OCM2: variants seen among roughly 807,000 people sequenced by gnomAD.
The protein encoded by OCM2 is oncomodulin-2.
Under a neutral mutation model 13.6 loss-of-function variants are expected in OCM2, and 6 were observed. That is an observed-to-expected ratio of 0.44 (90% CI 0.24 to 0.87). The LOEUF (loss-of-function observed/expected upper bound fraction) is 0.87, where lower values mean the gene tolerates loss of function less well. Among genes scored for constraint, OCM2 ranks in the 40% least tolerant of loss-of-function variants. The probability of loss-of-function intolerance (pLI) is 0.22; values close to 1 mark genes in which losing one functional copy is unlikely to be tolerated. For missense variants in OCM2, 118 were observed against 136.8 expected (o/e 0.86, Z 0.68); for synonymous variants, 40 against 50.7 (o/e 0.79, Z 0.90).
intron 3 of OCM2, among the ~76,000 whole-genome samples, chr7:97,986,158 C>T (rs1169769673): frequency 2.0e-5 from 3 of 152,108 alleles, no homozygotes; most frequent in African/African-American, 7.2e-5. Flanking sequence ...GGGGATCTGC[C>T]CACCTTGGCC....
intron 1 of OCM2, among the ~76,000 whole-genome samples, chr7:97,989,828 T>C (rs1160298072): frequency 6.6e-6 from 1 of 151,574 alleles, no homozygotes; most frequent in Admixed American, 6.6e-5. Context: ...TGGCTAATTT[T>C]TTTGTATTTT....
At chr7:97,987,114 G>T (rs150640012) in exon 3 of OCM2, 3 of 1,613,648 alleles carry the variant, frequency 1.9e-6, no homozygotes, top group South Asian at 2.2e-5. Flanking sequence ...TTTCTGACTC[G>T]GTCAGTTCTC....
At chr7:97,987,290 G>A (rs1794682314) in intron 2 of OCM2, 134 bp from the exon 3 acceptor site, 1 of 970,608 alleles carries the variant, frequency 1.0e-6, no homozygotes, top group South Asian at 1.6e-5. Context: ...AGCAAGCAAA[G>A]GTTTCCTTAA....
chr7:97,986,297 G>T (rs1163078548), intron 3 of OCM2, among the ~76,000 whole-genome samples: 2 of 145,810 alleles, frequency 1.4e-5, no homozygotes, highest in Non-Finnish European at 3.0e-5. Context: ...CATGTAGTAA[G>T]CGATAGTGGT....
intron 1 of OCM2, 113 bp from the exon 2 acceptor site, chr7:97,988,661 C>G: frequency 2.1e-6 from 3 of 1,400,210 alleles, no homozygotes; most frequent in Non-Finnish European, 3.0e-6. Flanking sequence ...CCCTGAGCTA[C>G]GGGGATGCTC....
chr7:97,989,141 G>A (rs1168130871), intron 1 of OCM2, among the ~76,000 whole-genome samples: 4 of 151,698 alleles, frequency 2.6e-5, no homozygotes, highest in Non-Finnish European at 5.9e-5. Flanking sequence ...AGGCTGGCCA[G>A]GTTGGTCTTG....
At chr7:97,989,386 C>CTTACTTATTTAT (rs1554366992) in intron 1 of OCM2, among the ~76,000 whole-genome samples, 8 of 145,270 alleles carry the variant, frequency 5.5e-5, no homozygotes, top group East Asian at 4.1e-4. Flanking sequence ...CTCTTATTTA[C>CTTACTTATTTAT]TTATTTATTT....
At chr7:97,985,750 T>A (rs993764200) in intron 3 of OCM2, among the ~76,000 whole-genome samples, 2 of 152,148 alleles carry the variant, frequency 1.3e-5, no homozygotes, top group Non-Finnish European at 2.9e-5. Context: ...TTGAACTGAC[T>A]TTCCTCCATT....
exon 3 of OCM2, chr7:97,987,145 T>C: frequency 1.9e-6 from 3 of 1,613,668 alleles, no homozygotes; most frequent in Non-Finnish European, 2.5e-6. Context: ...CTCAAACTTC[T>C]GGAGGAAAAA....
At chr7:97,985,032 T>A (rs1290917750) in intron 3 of OCM2, 49 bp from the exon 4 acceptor site, 1 of 1,613,724 alleles carries the variant, frequency 6.2e-7, no homozygotes, top group Admixed American at 1.7e-5. Context: ...GCTTCGTTCT[T>A]TACAGACATG....
Position 97,985,431 on chromosome 7 carries a change from A to AAAAAGAAAGAAAGAAAGAAAGAAAGAAAG in OCM2, c.305-449_305-448insCTTTCTTTCTTTCTTTCTTTCTTTCTTTT, listed in dbSNP as rs757682710. ...CAGACTCCATCTCAAAAAAAAAAAA[A>AAAAAGAAAGAAAGAAAGAAAGAAAGAAAG]AAAGAAAGAAAGAAAGAAAGAAAGA... On this transcript the variant is annotated intron_variant, in intron 3 of 3. Coordinates refer to ENST00000257627, the Ensembl canonical transcript of OCM2. 1.6e-3 allele frequency among the ~76,000 whole-genome samples: 214 copies of AAAAAGAAAGAAAGAAAGAAAGAAAGAAAG among 131,464 alleles called. 1 individual carries two copies. The highest frequency in any genetic ancestry group is 5.3e-3 in the African/African-American group (198 of 37,064). 86.2% of individuals were successfully genotyped at this position (131,464 alleles called of 152,430 possible).
At chr7:97,985,648 A>C (rs1364101249) in intron 3 of OCM2, among the ~76,000 whole-genome samples, 2 of 152,076 alleles carry the variant, frequency 1.3e-5, no homozygotes, top group Non-Finnish European at 2.9e-5. Context: ...TGAACATTTA[A>C]CTTTTTGTCT....
chr7:97,988,476 T>C lies in OCM2; in HGVS notation c.134A>G (p.Lys45Arg), dbSNP rs759070359. ...GTTGTCTATGAACCGGAAAACATCC[T>C]TCACCTGACTGGCTGACATCTTGGA... is the stretch of plus-strand genomic sequence containing the variant. Residue 45 changes from lysine (K) to arginine (R), a missense_variant, in exon 2 of 4, where the codon AAG becomes AGG. By Grantham distance (26) the Lys-to-Arg change is conservative. Coordinates refer to ENST00000257627, the Ensembl canonical transcript of OCM2. The C allele has an allele frequency of 2.5e-6, 4 of 1,614,196 alleles. No individual in the cohort carries two copies. In the South Asian group the frequency reaches 3.3e-5, roughly 13 times the overall value.
intron 1 of OCM2, among the ~76,000 whole-genome samples, 181 bp downstream of exon 1, chr7:97,989,863 T>C (rs1485418418): frequency 1.3e-5 from 2 of 151,962 alleles, no homozygotes; most frequent in Non-Finnish European, 2.9e-5. Flanking sequence ...TTTCACCATC[T>C]TGGCCAGGCT....
chr7:97,989,689 G>A (rs1794712346), intron 1 of OCM2, among the ~76,000 whole-genome samples: 2 of 150,078 alleles, frequency 1.3e-5, no homozygotes, highest in East Asian at 2.0e-4. Flanking sequence ...GATTACGGAT[G>A]TGAGCCACCA....
chr7:97,988,810 C>T (rs1171032173), intron 1 of OCM2, among the ~76,000 whole-genome samples: 3 of 152,092 alleles, frequency 2.0e-5, no homozygotes, highest in Non-Finnish European at 4.4e-5. Flanking sequence ...GTGCCTCCCC[C>T]TCCCCCTGGC....
chr7:97,986,963 A>G, intron 3 of OCM2, 84 bp downstream of exon 3: 1 of 1,591,184 alleles, frequency 6.3e-7, no homozygotes, highest in Non-Finnish European at 8.6e-7. Flanking sequence ...ATTTTAAGCC[A>G]CATTGGTTTG....
intron 3 of OCM2, among the ~76,000 whole-genome samples, chr7:97,986,206 C>T (rs1485750702): frequency 2.0e-5 from 3 of 152,214 alleles, no homozygotes; most frequent in African/African-American, 4.8e-5. Context: ...AGCCACCACG[C>T]CCAGCCCGTG....
intron 1 of OCM2, 29 bp downstream of exon 1, chr7:97,990,015 A>AGGGCCCCC: frequency 7.7e-6 from 6 of 780,800 alleles, no homozygotes; most frequent in South Asian, 1.3e-5. Flanking sequence ...CTGTGAGGAA[A>AGGGCCCCC]TCCCACCCCC....
Sources: gnomAD v4.1 joint callset for allele counts (sites outside exome capture counted in the v4.1 genomes callset) on GRCh38, gnomAD v4.1.1 for gene constraint, MANE v1.5 for transcripts, NCBI Gene and HGNC (gene_info 2026-07-23, HGNC 2026-07-21) for gene names.